WDR25: variants seen among roughly 807,000 people sequenced by gnomAD.
WDR25 encodes the protein WD repeat domain 25.
WDR25 carries 35 observed loss-of-function variants against 47.7 expected under a neutral mutation model. The ratio of observed to expected loss-of-function variants is 0.73; its 90% confidence interval spans 0.56 to 0.97. The LOEUF is 0.97. Ranked by LOEUF, WDR25 falls within the 50% of genes least tolerant of loss-of-function variation. The pLI, the probability that WDR25 is intolerant of heterozygous loss-of-function variation, is 0.00. For missense variants in WDR25, 634 were observed against 704.7 expected, an observed-to-expected ratio of 0.90 and a Z score of 1.14; for synonymous variants, 248 against 278.9, an observed-to-expected ratio of 0.89 and a Z score of 1.10.
At chr14:100,420,946 C>T (rs1312426885) in intron 2 of WDR25, among the ~76,000 whole-genome samples, 1 of 152,212 alleles carries the variant, frequency 6.6e-6, no homozygotes, top group East Asian at 1.9e-4. Context: ...CTATGCTTTC[C>T]TCATCTCAGT....
chr14:100,440,531 G>C lies in WDR25; in HGVS notation c.823-27490G>C, dbSNP rs375783321. On this transcript the variant is annotated intron_variant, in intron 2 of 6. Coordinates refer to ENST00000402312, the MANE Select transcript of WDR25 (RefSeq NM_001161476.3). The surrounding 1 kb of genome is among the most constrained non-coding windows in gnomAD (Gnocchi z 4.4). The stretch of plus-strand genomic sequence containing the variant: ...GATTCAGCATGCTAGCTCTCTGGAG[G>C]CTGTGCTGAGCACTGAGGGACACTG... Among the ~76,000 whole-genome samples, 1 of 152,228 alleles carries C rather than the reference G, an allele frequency of 6.6e-6. No individual in the cohort carries two copies. Among genetic ancestry groups the C allele is most frequent in the African/African-American group, 2.4e-5 (1 of 41,466 alleles).
chr14:100,472,452 G>T (rs1899872833), intron 3 of WDR25, among the ~76,000 whole-genome samples: 1 of 152,268 alleles, frequency 6.6e-6, no homozygotes. Flanking sequence ...GAAGGGAGCA[G>T]CTGTGATAAC....
chr14:100,492,365 G>T (rs970574274), intron 4 of WDR25, among the ~76,000 whole-genome samples: 2 of 152,188 alleles, frequency 1.3e-5, no homozygotes, highest in African/African-American at 4.8e-5. Flanking sequence ...CTTTCACTGG[G>T]ACTGTGTAAG....
intron 3 of WDR25, among the ~76,000 whole-genome samples, chr14:100,482,784 G>A (rs939036931): frequency 6.6e-6 from 1 of 152,232 alleles, no homozygotes; most frequent in African/African-American, 2.4e-5. Context: ...GAGTGGAAAT[G>A]ATGCTTGAGA....
rs80254616 is a variant in WDR25 at position 100,401,985 on chromosome 14, G to T, written c.822+20239G>T. Reference sequence around the variant, plus strand: ...AGGTGCTGATGAAGGAGTAGGAAGTGCTGCAAAGCACTTTTGCTCAATCGT... The same window carrying T: ...AGGTGCTGATGAAGGAGTAGGAAGTTCTGCAAAGCACTTTTGCTCAATCGT... On this transcript the variant is annotated intron_variant, in intron 2 of 6. Coordinates refer to ENST00000402312, the MANE Select transcript of WDR25 (RefSeq NM_001161476.3). 5.0e-3 allele frequency among the ~76,000 whole-genome samples: 762 copies of T among 152,368 alleles called. 7 individuals are homozygous for T. Among genetic ancestry groups the T allele is most frequent in the African/African-American group, 0.017 (723 of 41,592 alleles).
In WDR25 at chr14:100,428,826, A is replaced by G. The variant is rs1168257743; in HGVS notation, c.823-39195A>G. On this transcript the variant is annotated intron_variant, in intron 2 of 6. Transcript: ENST00000402312. This position sits in a 1 kb window ranked among gnomAD's most constrained non-coding sequence, Gnocchi z 4.3. ...TCATATTTAAAATCTCATATGAATT[A>G]ATTTCATGAAATTGGTTTGTTTTTC... Among the ~76,000 whole-genome samples, 1 of 152,212 alleles carries G rather than the reference A, an allele frequency of 6.6e-6. No individual in the cohort carries two copies. The highest frequency in any genetic ancestry group is 1.9e-4 in the East Asian group (1 of 5,196).
At chr14:100,418,390 T>C (rs927854735) in intron 2 of WDR25, among the ~76,000 whole-genome samples, 2 of 151,530 alleles carry the variant, frequency 1.3e-5, no homozygotes, top group African/African-American at 4.8e-5. Context: ...TCCCAGCACT[T>C]TGGGAGGCCG....
rs978292035 is a variant in WDR25 at position 100,424,610 on chromosome 14, G to A, written c.822+42864G>A. On this transcript the variant is annotated intron_variant, in intron 2 of 6. Transcript: ENST00000402312. The surrounding 1 kb of genome is among the most constrained non-coding windows in gnomAD (Gnocchi z 4.2). Reference sequence around the variant, plus strand: ...GGCCCAGGGCCCTGCTGCCTGTCCAGTGTTTGCGTGGGAATGTCTTGGGCC... The same window carrying A: ...GGCCCAGGGCCCTGCTGCCTGTCCAATGTTTGCGTGGGAATGTCTTGGGCC... Among the ~76,000 whole-genome samples, 1 of 152,200 alleles carries A rather than the reference G, an allele frequency of 6.6e-6. No individual in the cohort carries two copies. The highest frequency in any genetic ancestry group is 2.4e-5 in the African/African-American group (1 of 41,430).
intron 4 of WDR25, among the ~76,000 whole-genome samples, chr14:100,494,894 C>T (rs948443491): frequency 2.6e-5 from 4 of 152,072 alleles, no homozygotes; most frequent in African/African-American, 9.7e-5. Flanking sequence ...GCAGAATGCA[C>T]TTTAGGAGGC....
At chr14:100,465,662 A>G (rs1389737676) in intron 2 of WDR25, among the ~76,000 whole-genome samples, 1 of 152,224 alleles carries the variant, frequency 6.6e-6, no homozygotes, top group Non-Finnish European at 1.5e-5. Flanking sequence ...TAATGCTGCT[A>G]TGAACATGGA....
chr14:100,474,109 A>G (rs1004212416), intron 3 of WDR25, among the ~76,000 whole-genome samples: 3 of 152,122 alleles, frequency 2.0e-5, no homozygotes, highest in Non-Finnish European at 4.4e-5. Context: ...TTGTCCAGTT[A>G]GCAGCCGCCT....
In WDR25 at chr14:100,499,783, AG is replaced by A. The variant is rs371777290; in HGVS notation, c.1101+15664del. On this transcript the variant is annotated intron_variant, in intron 4 of 6. Coordinates refer to ENST00000402312, the MANE Select transcript of WDR25 (RefSeq NM_001161476.3). This position sits in a 1 kb window ranked among gnomAD's most constrained non-coding sequence, Gnocchi z 4.4. ...TGTCCTGGGCTGTGGAATGGGTCCC[AG>A]GGGGTGAAGTTCGCTGTGTTCTGCT... Among the ~76,000 whole-genome samples the A allele has an allele frequency of 1.1e-3, 173 of 152,232 alleles. 1 individual carries two copies. The East Asian group carries it at 0.016, about 14-fold the overall frequency.
rs112550010 is a variant in WDR25 at position 100,482,557 on chromosome 14, T to C, written c.971-1437T>C. Among the ~76,000 whole-genome samples, 534 of 152,278 alleles carry C rather than the reference T, an allele frequency of 3.5e-3. 3 individuals are homozygous for C. Among genetic ancestry groups the C allele is most frequent in the African/African-American group, 8.5e-3 (352 of 41,540 alleles). ...GATGGGGCGTACTGTCAAACTATAA[T>C]AGCTTGGAGACCATGGATCTAGGCA... On this transcript the variant is annotated intron_variant, in intron 3 of 6. Transcript: ENST00000402312.
In WDR25 at chr14:100,525,992, T is replaced by C. The variant is rs2030113136; in HGVS notation, c.1224T>C (p.Ile408=). ...STRDSADRTI[I]AWDFRTSAKI... is the part of the protein sequence containing the mutation. ...GGGACTCAGCTGACCGCACCATTATTGCCTGGGATTTCCGGACCTCTGCCA... is the reference window on the plus strand; with the variant it reads ...GGGACTCAGCTGACCGCACCATTATCGCCTGGGATTTCCGGACCTCTGCCA... Residue 408 remains isoleucine (I), a synonymous_variant, in exon 5 of 7, where the codon ATT becomes ATC. Transcript: ENST00000402312. The surrounding 1 kb of genome is among the most constrained non-coding windows in gnomAD (Gnocchi z 4.6). 3.7e-6 allele frequency: 6 copies of C among 1,614,102 alleles called. No individual in the cohort carries two copies. The African/African-American group carries it at 4.0e-5, about 11-fold the overall frequency.
intron 4 of WDR25, among the ~76,000 whole-genome samples, chr14:100,515,998 T>C (rs1171036644): frequency 6.6e-6 from 1 of 151,942 alleles, no homozygotes; most frequent in East Asian, 1.9e-4. Context: ...GACAGATTTT[T>C]TTTTTTTCAT....
chr14:100,416,530 G>A (rs552846865), intron 2 of WDR25, among the ~76,000 whole-genome samples: 1 of 152,140 alleles, frequency 6.6e-6, no homozygotes, highest in Non-Finnish European at 1.5e-5. Context: ...TCCCAAACAT[G>A]ACACACCCTT....
chr14:100,459,498 A>G (rs747508464), intron 2 of WDR25, among the ~76,000 whole-genome samples: 6 of 152,148 alleles, frequency 3.9e-5, no homozygotes, highest in East Asian at 3.9e-4. Context: ...CCAAATTTAT[A>G]TTTTGAAATC....
chr14:100,494,439 T>C (rs986881292), intron 4 of WDR25, among the ~76,000 whole-genome samples: 6 of 152,264 alleles, frequency 3.9e-5, no homozygotes, highest in African/African-American at 1.4e-4. Context: ...CTAGTTCTGA[T>C]ACTTGCTCTT....
intron 3 of WDR25, among the ~76,000 whole-genome samples, chr14:100,475,435 T>A (rs1304251650): frequency 6.6e-6 from 1 of 152,328 alleles, no homozygotes; most frequent in East Asian, 1.9e-4. Flanking sequence ...CACAATGGAA[T>A]ACTCTACAGC....
Sources: gnomAD v4.1 joint callset for allele counts (sites outside exome capture counted in the v4.1 genomes callset) on GRCh38, gnomAD v4.1.1 for gene constraint, Gnocchi (gnomAD v3.1) non-coding constraint, MANE v1.5 for transcripts, NCBI Gene and HGNC (gene_info 2026-07-23, HGNC 2026-07-21) for gene names.